Variants in PPP1CC observed in about 807,000 individuals in gnomAD.
The protein encoded by PPP1CC is protein phosphatase 1 catalytic subunit gamma, also known as serine/threonine-protein phosphatase PP1-gamma catalytic subunit.
PPP1CC carries 16 observed loss-of-function variants against 38.4 expected under a neutral mutation model. The ratio of observed to expected loss-of-function variants is 0.42; its 90% confidence interval spans 0.28 to 0.63. The LOEUF is 0.63. Among genes scored for constraint, PPP1CC ranks in the 30% least tolerant of loss-of-function variants. The pLI is 0.25. For missense variants in PPP1CC, 170 were observed against 391.3 expected (o/e 0.43, Z 4.77); for synonymous variants, 158 against 136.0 (o/e 1.16, Z -1.13).
rs2069751630 is a variant in PPP1CC at position 110,722,647 on chromosome 12, C to T, written c.572G>A (p.Arg191Gln). 1 of 1,613,608 alleles carries T rather than the reference C, an allele frequency of 6.2e-7. No individual in the cohort carries two copies. Among genetic ancestry groups the T allele is most frequent in the East Asian group, 2.2e-5 (1 of 44,872 alleles). Residue 191 changes from arginine to glutamine, a missense_variant, in exon 5 of 7, where the codon CGA becomes CAA. By Grantham distance (43) the Arg-to-Gln change is conservative. This residue lies in a region of PPP1CC where 117 missense variants were observed against 344.4 expected (regional missense o/e 0.34). Coordinates refer to ENST00000335007, the MANE Select transcript of PPP1CC (RefSeq NM_002710.4). This position sits in a 1 kb window ranked among gnomAD's most constrained non-coding sequence, Gnocchi z 5.4. Reference protein sequence around the residue: ...QSMEQIRRIMRPTDVPDQGLL... With the variant: ...QSMEQIRRIMQPTDVPDQGLL... ...ACCTTGATCTGGTACATCAGTTGGT[C>T]GCATAATTCGCCGAATCTGCTCCAT... is the stretch of plus-strand genomic sequence containing the variant.
In PPP1CC at chr12:110,722,006, T is replaced by C; in HGVS notation, c.882+129A>G. 1 of 1,091,834 alleles carries C rather than the reference T, an allele frequency of 9.2e-7. No individual in the cohort carries two copies. Among genetic ancestry groups the C allele is most frequent in the Non-Finnish European group, 1.3e-6 (1 of 775,300 alleles). The allele number at this position is 1,091,834 out of a possible 1,614,324, so 67.6% of individuals were successfully genotyped here. ...CACATTATTCAACTATAATACACAC[T>C]GGTTAAGGGAAAATAAAAACTTAGC... is the stretch of plus-strand genomic sequence containing the variant. On this transcript the variant is annotated intron_variant, in intron 6 of 6. Transcript: ENST00000335007. This position sits in a 1 kb window ranked among gnomAD's most constrained non-coding sequence, Gnocchi z 5.4.
At chr12:110,742,631 AG>A (rs1291237520) in intron 1 of PPP1CC, 21 bp downstream of exon 1, 2 of 1,320,978 alleles carry the variant, frequency 1.5e-6, no homozygotes, top group African/African-American at 3.4e-5. Flanking sequence ...CTCCCCCTTC[AG>A]CCGCCCGCCG....
chr12:110,710,299 T>C, the PPP1CC span, among the ~76,000 whole-genome samples: 2 of 151,998 alleles, frequency 1.3e-5, no homozygotes, highest in East Asian at 1.9e-4. Context: ...TCCCAGCACT[T>C]TGGGAGGCCA....
At chr12:110,739,871 C>T (rs2069994890) in intron 1 of PPP1CC, among the ~76,000 whole-genome samples, 1 of 152,192 alleles carries the variant, frequency 6.6e-6, no homozygotes. Flanking sequence ...CTTATTTTCT[C>T]TCAAAATGCC....
chr12:110,742,807 G>A lies in PPP1CC; in HGVS notation c.-100C>T, dbSNP rs1172042218. 1.9e-6 allele frequency: 2 copies of A among 1,025,880 alleles called. No homozygotes were observed. The highest frequency in any genetic ancestry group is 1.7e-5 in the African/African-American group (1 of 59,998). 63.5% of individuals were successfully genotyped at this position (1,025,880 alleles called of 1,614,324 possible). On this transcript the variant is annotated 5_prime_UTR_variant, in exon 1 of 7. Transcript: ENST00000335007. Reference sequence around the variant, plus strand: ...CGCCACGAGCAGAGGCGGTGGTGGCGGCGGTGGCAGCAGCCGCGGCGGGTC... The same window carrying A: ...CGCCACGAGCAGAGGCGGTGGTGGCAGCGGTGGCAGCAGCCGCGGCGGGTC...
At chr12:110,740,535 T>C (rs1340367862) in intron 1 of PPP1CC, among the ~76,000 whole-genome samples, 1 of 152,184 alleles carries the variant, frequency 6.6e-6, no homozygotes, top group Admixed American at 6.5e-5. Flanking sequence ...CTTCAACTGT[T>C]TCTCTGCCAA....
chr12:110,722,379 T>C lies in PPP1CC; in HGVS notation c.747+93A>G. ...TCTTGTGTTCCAGAAACACTTTGTA[T>C]AAATAAGCAATACCTACCCACCAAA... On this transcript the variant is annotated intron_variant, in intron 5 of 6. Coordinates refer to ENST00000335007, the MANE Select transcript of PPP1CC (RefSeq NM_002710.4). The surrounding 1 kb of genome is among the most constrained non-coding windows in gnomAD (Gnocchi z 5.4). The C allele has an allele frequency of 6.4e-7, 1 of 1,559,130 alleles. No homozygotes were observed. Among genetic ancestry groups the C allele is most frequent in the South Asian group, 1.1e-5 (1 of 88,926 alleles).
In PPP1CC at chr12:110,742,724, AC is replaced by A; in HGVS notation, c.-18del. On this transcript the variant is annotated 5_prime_UTR_variant, in exon 1 of 7. Coordinates refer to ENST00000335007, the MANE Select transcript of PPP1CC (RefSeq NM_002710.4). The stretch of plus-strand genomic sequence containing the variant: ...ATCCGCCATCGCCTTCCCACCGCCG[AC>A]CCTCCCGCAGCGGCGCCGCCGCCGG... 7.1e-7 allele frequency: 1 copy of A among 1,407,688 alleles called. No homozygotes were observed. Among genetic ancestry groups the A allele is most frequent in the South Asian group, 1.7e-5 (1 of 59,312 alleles). 87.2% of individuals were successfully genotyped at this position (1,407,688 alleles called of 1,614,324 possible).
intron 1 of PPP1CC, chr12:110,733,009 T>C (rs750868225): frequency 3.3e-5 from 5 of 152,164 alleles, no homozygotes; most frequent in Non-Finnish European, 7.3e-5. Context: ...CAAGAAGCAA[T>C]AAAAGCATAG....
At chr12:110,730,887 C>A in intron 2 of PPP1CC, 128 bp from the exon 3 acceptor site, 1 of 634,848 alleles carries the variant, frequency 1.6e-6, no homozygotes, top group Non-Finnish European at 2.7e-6. Flanking sequence ...GAGAGTTTAA[C>A]TGGGCAGCCA....
Position 110,722,173 on chromosome 12 carries a change from T to C in PPP1CC, c.844A>G (p.Met282Val), listed in dbSNP as rs1337465793. 4 of 1,614,218 alleles carry C rather than the reference T, an allele frequency of 2.5e-6. No individual in the cohort carries two copies. Among genetic ancestry groups the C allele is most frequent in the Non-Finnish European group, 3.4e-6 (4 of 1,180,022 alleles). The change falls in exon 6 of 7, where the codon ATG becomes GTG. Residue 282 changes from methionine to valine, a missense_variant. Coordinates refer to ENST00000335007, the MANE Select transcript of PPP1CC (RefSeq NM_002710.4). This position sits in a 1 kb window ranked among gnomAD's most constrained non-coding sequence, Gnocchi z 5.4. The part of the protein sequence containing the change: ...YCGEFDNAGA[M>V]MSVDETLMCS... ...ATTAGTGTTTCATCCACACTCATCA[T>C]GGCACCTGCATTGTCAAACTCTCCG... is the stretch of plus-strand genomic sequence containing the variant.
chr12:110,729,642 A>G (rs1323344512), intron 3 of PPP1CC, among the ~76,000 whole-genome samples: 1 of 152,252 alleles, frequency 6.6e-6, no homozygotes, highest in Non-Finnish European at 1.5e-5. Flanking sequence ...AGTTATTGCC[A>G]TTCTTCCTGG....
the PPP1CC span, among the ~76,000 whole-genome samples, chr12:110,713,167 C>T: frequency 6.6e-6 from 1 of 151,690 alleles, no homozygotes; most frequent in African/African-American, 2.4e-5. Flanking sequence ...TAGTGTCACT[C>T]TGTTGTCCAG....
At chr12:110,724,812 C>G in intron 3 of PPP1CC, 48 bp from the exon 4 acceptor site, 1 of 1,132,640 alleles carries the variant, frequency 8.8e-7, no homozygotes, top group African/African-American at 1.5e-5. Flanking sequence ...TATTACTGTT[C>G]CGTAGGCTCA....
chr12:110,714,285 C>A, the PPP1CC span, among the ~76,000 whole-genome samples: 3 of 152,032 alleles, frequency 2.0e-5, no homozygotes, highest in Non-Finnish European at 4.4e-5. Context: ...CTCAGTCCAC[C>A]CTCCTAAGTA....
chr12:110,741,689 T>C (rs2070018635), intron 1 of PPP1CC, among the ~76,000 whole-genome samples: 1 of 152,220 alleles, frequency 6.6e-6, no homozygotes. Flanking sequence ...CAGTGTTGTC[T>C]GTAGAGGGTT....
rs190942605 is a variant in PPP1CC, at chr12:110,722,701, C to A, written c.524-6G>T. 1,468 of 1,550,766 alleles carry A rather than the reference C, an allele frequency of 9.5e-4. 18 individuals carry two copies. Among genetic ancestry groups the A allele is most frequent in the Admixed American group, 2.0e-4 (10 of 49,672 alleles). The stretch of plus-strand genomic sequence containing the variant: ...TTGAAGATCTGGTGATAAACCTATT[C>A]AATGAGGAAAAAAAAAAAATGAAGA... On this transcript the variant is annotated splice_polypyrimidine_tract_variant and splice_region_variant and intron_variant, in intron 4 of 6. Transcript: ENST00000335007. This position sits in a 1 kb window ranked among gnomAD's most constrained non-coding sequence, Gnocchi z 5.4.
chr12:110,709,455 C>T, the PPP1CC span, among the ~76,000 whole-genome samples: 5 of 152,106 alleles, frequency 3.3e-5, no homozygotes, highest in Admixed American at 1.3e-4. Flanking sequence ...GTCTTGAACT[C>T]CTGATCTCAT....
chr12:110,709,433 T>C, the PPP1CC span, among the ~76,000 whole-genome samples: 1 of 152,024 alleles, frequency 6.6e-6, no homozygotes, highest in Non-Finnish European at 1.5e-5. Flanking sequence ...TTTCACTATA[T>C]TGGCCAGGTT....
Sources: allele counts gnomAD v4.1 joint callset (sites outside exome capture counted in the v4.1 genomes callset), GRCh38; gene constraint gnomAD v4.1.1; regional missense constraint gnomAD v4.1.1; non-coding constraint Gnocchi (gnomAD v3.1); transcripts MANE v1.5; gene names NCBI Gene and HGNC (gene_info 2026-07-23, HGNC 2026-07-21).